ELAVL1: variants seen among roughly 807,000 people sequenced by gnomAD.
ELAVL1 encodes the protein ELAV-like protein 1.
Under a neutral mutation model 28.4 loss-of-function variants are expected in ELAVL1, and 1 was observed. The observed-to-expected ratio is 0.04, with a 90% confidence interval of 0.01 to 0.17. ELAVL1 has a LOEUF of 0.17. Ranked by LOEUF, ELAVL1 falls within the 10% of genes least tolerant of loss-of-function variation. ELAVL1 has a pLI of 1.00. For synonymous variants in ELAVL1, 174 were observed against 183.5 expected (o/e 0.95, Z 0.42); for missense variants, 157 against 447.2 (o/e 0.35, Z 5.85).
At chr19:7,989,727 T>C (rs1985702507) in intron 2 of ELAVL1, among the ~76,000 whole-genome samples, 1 of 152,250 alleles carries the variant, frequency 6.6e-6, no homozygotes, top group African/African-American at 2.4e-5. Flanking sequence ...TGCTGGCTTC[T>C]AGAACATTCT....
intron 2 of ELAVL1, among the ~76,000 whole-genome samples, chr19:7,984,120 G>A (rs111794048): frequency 6.6e-6 from 1 of 152,144 alleles, no homozygotes; most frequent in African/African-American, 2.4e-5. Flanking sequence ...CGAGGGAGTC[G>A]CACACCCCTG....
At chr19:7,968,693 G>A (rs771343065) in intron 4 of ELAVL1, among the ~76,000 whole-genome samples, 3 of 152,358 alleles carry the variant, frequency 2.0e-5, no homozygotes, top group South Asian at 2.1e-4. Flanking sequence ...CCTGAGGACC[G>A]TCCTGCTATG....
rs978105506 is a variant in ELAVL1, at chr19:7,960,504, G to A, written c.*2979C>T. The A allele has an allele frequency of 6.6e-6, 1 of 152,252 alleles. No homozygotes were observed. Among genetic ancestry groups the A allele is most frequent in the Non-Finnish European group, 1.5e-5 (1 of 68,018 alleles). The allele number at this position is 152,252 out of a possible 1,614,324, so 9.4% of individuals were successfully genotyped here. On this transcript the variant is annotated 3_prime_UTR_variant, in exon 6 of 6. Transcript: ENST00000407627. ...AGGCACAGCCAGCACAGAAAACTGC[G>A]GCTTGGCAAATTACACTGAAAACGA...
chr19:8,002,266 T>C (rs2081070737), intron 1 of ELAVL1: 7 of 503,072 alleles, frequency 1.4e-5, no homozygotes, highest in South Asian at 6.9e-5. Context: ...CCACCGCTAC[T>C]GCCTCCTCTC....
chr19:7,980,873 G>A (rs992955060), intron 3 of ELAVL1, among the ~76,000 whole-genome samples: 1 of 152,138 alleles, frequency 6.6e-6, no homozygotes, highest in Non-Finnish European at 1.5e-5. Context: ...GGGAGCTGAC[G>A]CAACCTGGGG....
chr19:7,983,729 G>A (rs1985526922), intron 2 of ELAVL1, among the ~76,000 whole-genome samples: 2 of 152,110 alleles, frequency 1.3e-5, no homozygotes, highest in Admixed American at 1.3e-4. Flanking sequence ...GAGCACCAAT[G>A]CCCGTTCCTG....
intron 2 of ELAVL1, among the ~76,000 whole-genome samples, chr19:7,985,099 T>C (rs1224777431): frequency 5.3e-5 from 8 of 152,170 alleles, no homozygotes; most frequent in African/African-American, 1.9e-4. Context: ...TTTTAATTTT[T>C]TGTAGAGATG....
intron 2 of ELAVL1, among the ~76,000 whole-genome samples, chr19:7,984,528 G>A (rs1338789052): frequency 1.3e-5 from 2 of 152,202 alleles, no homozygotes; most frequent in Admixed American, 1.3e-4. Flanking sequence ...AGCCAGTGTG[G>A]AGCCAGCGGG....
intron 5 of ELAVL1, among the ~76,000 whole-genome samples, chr19:7,964,214 C>T (rs1362525241): frequency 2.0e-5 from 3 of 152,200 alleles, no homozygotes; most frequent in South Asian, 4.1e-4. Flanking sequence ...CTGTGGGGTA[C>T]GTGCAGGGGC....
intron 1 of ELAVL1, among the ~76,000 whole-genome samples, chr19:8,004,238 G>T (rs1017411465): frequency 5.3e-5 from 8 of 152,142 alleles, no homozygotes; most frequent in African/African-American, 1.4e-4. Context: ...CAACGCAACG[G>T]GATTTCCACC....
chr19:8,003,414 C>G (rs1599205919), intron 1 of ELAVL1, among the ~76,000 whole-genome samples: 1 of 139,100 alleles, frequency 7.2e-6, no homozygotes, highest in Admixed American at 7.3e-5. Flanking sequence ...CACCATGGTC[C>G]GGGCGCGGTG....
At chr19:7,970,370 T>C (rs1057100080) in intron 4 of ELAVL1, among the ~76,000 whole-genome samples, 1 of 152,332 alleles carries the variant, frequency 6.6e-6, no homozygotes, top group South Asian at 2.1e-4. Context: ...TTGGCCAGGA[T>C]GGTCTCGACC....
At chr19:8,003,355 CAAAAAAA>C (rs71165248) in intron 1 of ELAVL1, among the ~76,000 whole-genome samples, 4,336 of 61,110 alleles carry the variant, frequency 0.071, 100 homozygotes, top group Middle Eastern at 0.11. Flanking sequence ...GAAACTGTCT[CAAAAAAA>C]AAAAAAAAAA....
At chr19:7,985,853 C>T (rs1000725097) in intron 2 of ELAVL1, among the ~76,000 whole-genome samples, 2 of 152,226 alleles carry the variant, frequency 1.3e-5, no homozygotes, top group Non-Finnish European at 2.9e-5. Context: ...AGCCTCCTCA[C>T]CCTTTCTGGC....
intron 2 of ELAVL1, among the ~76,000 whole-genome samples, chr19:7,983,969 C>T (rs1465457884): frequency 6.6e-6 from 1 of 152,094 alleles, no homozygotes; most frequent in Admixed American, 6.5e-5. Flanking sequence ...ACCAGGTTTC[C>T]GTCTCCCTGG....
intron 4 of ELAVL1, 53 bp from the exon 5 acceptor site, chr19:7,967,843 C>G: frequency 6.3e-7 from 1 of 1,579,294 alleles, no homozygotes; most frequent in East Asian, 2.2e-5. Flanking sequence ...CTAGGACTTT[C>G]AAAACTGAAA....
At chr19:8,004,526 C>T (rs1258430233) in intron 1 of ELAVL1, among the ~76,000 whole-genome samples, 1 of 152,136 alleles carries the variant, frequency 6.6e-6, no homozygotes, top group Admixed American at 6.6e-5. Flanking sequence ...GGGTAGAGGC[C>T]AGGAATACGG....
At chr19:7,992,715 CAG>C (rs1985785678) in intron 1 of ELAVL1, among the ~76,000 whole-genome samples, 2 of 152,210 alleles carry the variant, frequency 1.3e-5, no homozygotes, top group African/African-American at 4.8e-5. Context: ...GAACAATATA[CAG>C]AGTGAACTCT....
intron 4 of ELAVL1, 139 bp downstream of exon 4, chr19:7,973,586 A>G (rs532076164): frequency 1.3e-5 from 15 of 1,115,268 alleles, no homozygotes; most frequent in South Asian, 8.1e-5. Context: ...ACCAAAGCCA[A>G]CGTCTTCTCA....
Sources: allele counts gnomAD v4.1 joint callset (sites outside exome capture counted in the v4.1 genomes callset), GRCh38; gene constraint gnomAD v4.1.1; transcripts MANE v1.5; gene names NCBI Gene and HGNC (gene_info 2026-07-23, HGNC 2026-07-21).